Variants in SHROOM3 observed in about 807,000 individuals in gnomAD.
SHROOM3 encodes the protein protein Shroom3.
In SHROOM3, 47 loss-of-function variants were observed where a neutral mutation model predicts 138.6. The ratio of observed to expected loss-of-function variants is 0.34; its 90% CI spans 0.27 to 0.43. The LOEUF is 0.43. SHROOM3 is among the 20% of genes least tolerant of loss of function. SHROOM3 has a pLI of 1.00. For missense variants in SHROOM3, 2,491 were observed against 2,596.5 expected (o/e 0.96, Z 0.88); for synonymous variants, 1,062 against 1,063.3 (o/e 1.00, Z 0.02).
intron 1 of SHROOM3, among the ~76,000 whole-genome samples, chr4:76,555,018 G>A (rs528627825): frequency 5.3e-5 from 8 of 151,226 alleles, no homozygotes; most frequent in African/African-American, 7.3e-5. Flanking sequence ...ATCTCTCATC[G>A]CCCCCAGTGG....
At chr4:76,645,165 A>G (rs1424979162) in intron 2 of SHROOM3, 1 of 152,224 alleles carries the variant, frequency 6.6e-6, no homozygotes, top group African/African-American at 2.4e-5. Context: ...TGGCTTCCAT[A>G]GCATTATGCA....
At chr4:76,672,872 G>A (rs770752906) in intron 2 of SHROOM3, among the ~76,000 whole-genome samples, 20 of 152,140 alleles carry the variant, frequency 1.3e-4, no homozygotes, top group Non-Finnish European at 2.1e-4. Context: ...ATGCCCGGCC[G>A]GATACATGCA....
At chr4:76,476,319 A>G (rs1172271837) in intron 1 of SHROOM3, among the ~76,000 whole-genome samples, 1 of 152,120 alleles carries the variant, frequency 6.6e-6, no homozygotes, top group African/African-American at 2.4e-5. Context: ...CTTTTCCTAG[A>G]CTCTCAAAGC....
intron 1 of SHROOM3, among the ~76,000 whole-genome samples, chr4:76,439,457 T>A (rs1730625033): frequency 6.6e-6 from 1 of 152,312 alleles, no homozygotes; most frequent in Non-Finnish European, 1.5e-5. Context: ...CAGGGCATTA[T>A]TTTGCCTACC....
At chr4:76,449,435 T>C (rs1369588529) in intron 1 of SHROOM3, among the ~76,000 whole-genome samples, 1 of 152,200 alleles carries the variant, frequency 6.6e-6, no homozygotes, top group African/African-American at 2.4e-5. Context: ...TATGACACAG[T>C]TTCCGACCTA....
chr4:76,741,381 A>C lies in SHROOM3; in HGVS notation c.3208A>C (p.Thr1070Pro). The change falls in exon 5 of 11, where the codon ACG becomes CCG. Residue 1070 changes from threonine to proline, a missense_variant. By Grantham distance (38) the Thr-to-Pro change is conservative. Coordinates refer to ENST00000296043, the MANE Select transcript of SHROOM3 (RefSeq NM_020859.4). The surrounding 1 kb of genome is among the most constrained non-coding windows in gnomAD (Gnocchi z 6.2). The stretch of plus-strand genomic sequence containing the variant: ...CGAGCGCGATGGCAAGGCCTGCTCC[A>C]CGCTCAGCCTGTCGGGGCCCGAGCT... ...LFERDGKACS[T>P]LSLSGPELKQ... is the part of the protein sequence containing the mutation. The C allele has an allele frequency of 1.2e-6, 2 of 1,603,808 alleles. No individual in the cohort carries two copies. The highest frequency in any genetic ancestry group is 1.7e-6 in the Non-Finnish European group (2 of 1,176,110).
At chr4:76,546,574 A>C (rs1733224103) in intron 1 of SHROOM3, among the ~76,000 whole-genome samples, 1 of 152,228 alleles carries the variant, frequency 6.6e-6, no homozygotes, top group African/African-American at 2.4e-5. Flanking sequence ...AAGAATGCCC[A>C]CTGGGTTGTG....
chr4:76,458,581 A>G (rs1249669204), intron 1 of SHROOM3, among the ~76,000 whole-genome samples: 1 of 152,194 alleles, frequency 6.6e-6, no homozygotes, highest in Admixed American at 6.5e-5. Flanking sequence ...CTCTAGTGAT[A>G]ATAGCTTTAA....
chr4:76,546,684 A>G (rs1259385164), intron 1 of SHROOM3, among the ~76,000 whole-genome samples: 1 of 152,114 alleles, frequency 6.6e-6, no homozygotes, highest in South Asian at 2.1e-4. Flanking sequence ...TTATCTCTAC[A>G]TTTTGCTCAT....
chr4:76,646,113 TA>T (rs1422889800), intron 2 of SHROOM3, among the ~76,000 whole-genome samples: 2 of 151,482 alleles, frequency 1.3e-5, no homozygotes, highest in East Asian at 3.9e-4. Flanking sequence ...GAGATATACC[TA>T]ATGTAAACGA....
chr4:76,435,585 A>G lies in SHROOM3; in HGVS notation c.-468A>G, dbSNP rs985423127. 2 of 152,316 alleles carry G rather than the reference A, an allele frequency of 1.3e-5. No individual in the cohort carries two copies. Among genetic ancestry groups the G allele is most frequent in the Non-Finnish European group, 2.9e-5 (2 of 68,182 alleles). The allele number at this position is 152,316 out of a possible 1,614,324, so 9.4% of individuals were successfully genotyped here. A position where few individuals can be genotyped will look rare whatever the true frequency, so the allele number is the denominator to read the frequency against. ...TTGTAATGGTAAATTTCACTCCGAGAGGAAGAAAGGGTTGATAATCAATCA... is the reference window on the plus strand; with the variant it reads ...TTGTAATGGTAAATTTCACTCCGAGGGGAAGAAAGGGTTGATAATCAATCA... On this transcript the variant is annotated 5_prime_UTR_variant, in exon 1 of 11. Transcript: ENST00000296043.
chr4:76,492,117 C>T (rs1432837195), intron 1 of SHROOM3, among the ~76,000 whole-genome samples: 5 of 152,170 alleles, frequency 3.3e-5, no homozygotes, highest in East Asian at 1.9e-4. Context: ...CAAATGACAA[C>T]GGGGCCCATT....
rs746043483 is a variant in SHROOM3 at position 76,739,376 on chromosome 4, C to G, written c.1203C>G (p.Pro401=). The G allele has an allele frequency of 3.1e-6, 5 of 1,614,134 alleles. No individual in the cohort carries two copies. The highest frequency in any genetic ancestry group is 4.2e-6 in the Non-Finnish European group (5 of 1,180,036). ...SYAAFRHRER[P]SSWSSLDQKR... is the part of the protein sequence containing the mutation. ...CAGCATTTCGGCACCGTGAGCGGCC[C>G]AGCTCCTGGTCTAGCCTTGATCAGA... Residue 401 remains proline (P), a synonymous_variant, in exon 5 of 11, where the codon CCC becomes CCG. Coordinates refer to ENST00000296043, the MANE Select transcript of SHROOM3 (RefSeq NM_020859.4).
chr4:76,633,410 T>G (rs190177659), intron 2 of SHROOM3, among the ~76,000 whole-genome samples: 78 of 151,024 alleles, frequency 5.2e-4, no homozygotes, highest in African/African-American at 1.7e-3. Flanking sequence ...GGCTCACGCC[T>G]GTAATCCCAG....
intron 2 of SHROOM3, among the ~76,000 whole-genome samples, chr4:76,598,855 T>G (rs1396725517): frequency 6.6e-6 from 1 of 152,202 alleles, no homozygotes; most frequent in African/African-American, 2.4e-5. Context: ...ATCGGACTTG[T>G]GCTTACGAAA....
intron 2 of SHROOM3, among the ~76,000 whole-genome samples, chr4:76,636,689 C>T (rs1735504714): frequency 6.6e-6 from 1 of 152,126 alleles, no homozygotes; most frequent in Admixed American, 6.5e-5. Context: ...CAGGGATATG[C>T]ATGTTAGATG....
intron 2 of SHROOM3, among the ~76,000 whole-genome samples, chr4:76,637,837 C>T (rs889142973): frequency 8.5e-5 from 13 of 152,150 alleles, no homozygotes; most frequent in Non-Finnish European, 1.3e-4. Flanking sequence ...TGAGTCAGGG[C>T]GAGTGCCTTG....
At chr4:76,628,590 C>G (rs996816544) in intron 2 of SHROOM3, among the ~76,000 whole-genome samples, 1 of 151,968 alleles carries the variant, frequency 6.6e-6, no homozygotes, top group Non-Finnish European at 1.5e-5. Flanking sequence ...GTCTTTGTGC[C>G]AGGGATAAAA....
rs1560505301 is a variant in SHROOM3, at chr4:76,436,102, C to CT, written c.51dup (p.Asn18Ter). On this transcript the variant is annotated frameshift_variant, in exon 1 of 11. Transcript: ENST00000296043. LOFTEE classifies it high-confidence loss of function. Reference sequence around the variant, plus strand: ...CACAAGCCTAGTGCCACATTAAACTCTAACACGGCCACCAAGGGAAGGTAC... The same window carrying CT: ...CACAAGCCTAGTGCCACATTAAACTCTTAACACGGCCACCAAGGGAAGGTAC... 7 of 1,614,026 alleles carry CT rather than the reference C, an allele frequency of 4.3e-6. No homozygotes were observed. The highest frequency in any genetic ancestry group is 1.6e-4 in the Middle Eastern group (1 of 6,062).
Sources: gnomAD v4.1 joint callset for allele counts (sites outside exome capture counted in the v4.1 genomes callset) on GRCh38, gnomAD v4.1.1 for gene constraint, Gnocchi (gnomAD v3.1) non-coding constraint, MANE v1.5 for transcripts, NCBI Gene and HGNC (gene_info 2026-07-23, HGNC 2026-07-21) for gene names.